Variants in FMN1 observed in about 807,000 individuals in gnomAD.
FMN1 encodes formin-1.
In FMN1, 110 loss-of-function variants were observed where a neutral mutation model predicts 132.4. That is an observed-to-expected ratio of 0.83 (90% CI 0.71 to 0.97). The LOEUF is 0.97. Among genes scored for constraint, FMN1 ranks in the 50% least tolerant of loss-of-function variants. FMN1 has a pLI of 0.00. For missense variants in FMN1, 1,792 were observed against 1,705.3 expected, an observed-to-expected ratio of 1.05 and a Z score of -0.90; for synonymous variants, 722 against 651.7, an observed-to-expected ratio of 1.11 and a Z score of -1.64.
At chr15:32,909,173 A>G (rs927955230) in intron 11 of FMN1, among the ~76,000 whole-genome samples, 2 of 152,216 alleles carry the variant, frequency 1.3e-5, no homozygotes, top group African/African-American at 2.4e-5. Context: ...TCCTGAGCTC[A>G]TGGTAACAAC....
chr15:33,106,637 T>C (rs1453941568), intron 4 of FMN1, among the ~76,000 whole-genome samples: 3 of 152,068 alleles, frequency 2.0e-5, no homozygotes, highest in African/African-American at 7.2e-5. Flanking sequence ...TCCTCATCCT[T>C]CTAAATCAGT....
chr15:32,909,203 C>T (rs1428079175), intron 11 of FMN1, among the ~76,000 whole-genome samples: 1 of 152,204 alleles, frequency 6.6e-6, no homozygotes, highest in Non-Finnish European at 1.5e-5. Flanking sequence ...CTGGAAGGTA[C>T]TGCCTTTGAC....
chr15:32,960,486 T>C (rs1016057650), intron 9 of FMN1, among the ~76,000 whole-genome samples: 1 of 152,204 alleles, frequency 6.6e-6, no homozygotes, highest in Non-Finnish European at 1.5e-5. Context: ...AATACTTCTT[T>C]GGATATTTTT....
chr15:32,798,296 C>T (rs1363282928), intron 19 of FMN1, among the ~76,000 whole-genome samples: 6 of 152,058 alleles, frequency 3.9e-5, no homozygotes, highest in East Asian at 1.9e-4. Flanking sequence ...CTGAGCGGCA[C>T]GCAGTTTGAT....
At chr15:32,897,713 AG>A (rs2060194164) in intron 15 of FMN1, among the ~76,000 whole-genome samples, 1 of 152,204 alleles carries the variant, frequency 6.6e-6, no homozygotes, top group African/African-American at 2.4e-5. Flanking sequence ...AGCTGTGTAA[AG>A]AGGGTGTGGG....
intron 4 of FMN1, among the ~76,000 whole-genome samples, chr15:33,129,156 C>G (rs1963426559): frequency 6.6e-6 from 1 of 152,192 alleles, no homozygotes; most frequent in Non-Finnish European, 1.5e-5. Flanking sequence ...TATTTTAAAG[C>G]TCAATGTAAC....
At chr15:32,906,886 T>C (rs994570769) in intron 12 of FMN1, among the ~76,000 whole-genome samples, 3 of 152,198 alleles carry the variant, frequency 2.0e-5, no homozygotes, top group African/African-American at 4.8e-5. Context: ...GGGGGGATCC[T>C]GGACCATGCT....
At chr15:33,028,545 A>G (rs1346460923) in intron 6 of FMN1, among the ~76,000 whole-genome samples, 1 of 152,054 alleles carries the variant, frequency 6.6e-6, no homozygotes, top group Non-Finnish European at 1.5e-5. Flanking sequence ...AAATAAATAA[A>G]TAAATAAAAA....
chr15:32,941,193 T>C (rs1473294572), intron 9 of FMN1, among the ~76,000 whole-genome samples: 2 of 152,230 alleles, frequency 1.3e-5, no homozygotes, highest in Non-Finnish European at 2.9e-5. Flanking sequence ...TTTTATTCCA[T>C]GTAGGTTCTT....
chr15:32,809,631 C>T (rs1181382412), intron 17 of FMN1, among the ~76,000 whole-genome samples: 1 of 152,104 alleles, frequency 6.6e-6, no homozygotes, highest in Admixed American at 6.5e-5. Flanking sequence ...CTCCCTTCTC[C>T]TACCCTTCTG....
chr15:32,796,857 T>C (rs1019222145), intron 19 of FMN1, among the ~76,000 whole-genome samples: 1 of 152,212 alleles, frequency 6.6e-6, no homozygotes, highest in Non-Finnish European at 1.5e-5. Flanking sequence ...AAATATCTTA[T>C]TAGCCATCAT....
At chr15:33,111,046 T>C (rs1044228237) in intron 4 of FMN1, among the ~76,000 whole-genome samples, 2 of 152,178 alleles carry the variant, frequency 1.3e-5, no homozygotes, top group African/African-American at 4.8e-5. Context: ...TTTTACATTT[T>C]TATGGTATGC....
intron 19 of FMN1, among the ~76,000 whole-genome samples, chr15:32,797,438 G>C (rs896061493): frequency 6.6e-6 from 1 of 152,196 alleles, no homozygotes; most frequent in Non-Finnish European, 1.5e-5. Context: ...TTTAAGAATA[G>C]TATTTTCGTA....
chr15:33,122,616 C>T (rs1962672575), intron 4 of FMN1, among the ~76,000 whole-genome samples: 1 of 152,206 alleles, frequency 6.6e-6, no homozygotes, highest in Non-Finnish European at 1.5e-5. Context: ...GTAATAAAAT[C>T]TAATGGCCAC....
At chr15:32,857,853 A>G (rs1192372949) in intron 16 of FMN1, among the ~76,000 whole-genome samples, 2 of 152,220 alleles carry the variant, frequency 1.3e-5, no homozygotes, top group African/African-American at 4.8e-5. Flanking sequence ...ATAGTTCACC[A>G]TCACAAAAGG....
intron 16 of FMN1, among the ~76,000 whole-genome samples, chr15:32,860,080 G>A (rs1213715127): frequency 1.4e-5 from 2 of 146,038 alleles, no homozygotes; most frequent in East Asian, 2.2e-4. Flanking sequence ...AAAGGCAAAG[G>A]CAAAGGCAAG....
intron 5 of FMN1, among the ~76,000 whole-genome samples, chr15:33,077,737 T>C (rs2038275825): frequency 1.3e-5 from 2 of 148,854 alleles, no homozygotes; most frequent in South Asian, 2.1e-4. Context: ...TTTTGCAACC[T>C]ACTCATCTGA....
chr15:32,806,489 C>T (rs920470990), intron 17 of FMN1, among the ~76,000 whole-genome samples: 1 of 152,202 alleles, frequency 6.6e-6, no homozygotes, highest in South Asian at 2.1e-4. Flanking sequence ...CCATAATCTT[C>T]CTCATTGATT....
chr15:32,972,678 C>CT (rs1184498292), intron 7 of FMN1, among the ~76,000 whole-genome samples: 1 of 152,176 alleles, frequency 6.6e-6, no homozygotes, highest in African/African-American at 2.4e-5. Context: ...CTCTTGGCAT[C>CT]TTCCTTGCCA....
Sources: gnomAD v4.1 joint callset for allele counts (sites outside exome capture counted in the v4.1 genomes callset) on GRCh38, gnomAD v4.1.1 for gene constraint, MANE v1.5 for transcripts, NCBI Gene and HGNC (gene_info 2026-07-23, HGNC 2026-07-21) for gene names.